The following SGCD variants were observed in gnomAD, a reference collection of about 807,000 sequenced individuals.
The protein encoded by SGCD is sarcoglycan delta.
A neutral mutation model predicts 36.6 loss-of-function variants in SGCD; 18 were observed. The observed-to-expected ratio is 0.49, with a 90% confidence interval of 0.34 to 0.73. The LOEUF (loss-of-function observed/expected upper bound fraction) is 0.73. SGCD is among the 30% of genes least tolerant of loss of function. The pLI, the probability that SGCD is intolerant of heterozygous loss-of-function variation, is 0.01. For synonymous variants in SGCD, 133 were observed against 130.6 expected, an observed-to-expected ratio of 1.02 and a Z score of -0.12; for missense variants, 387 against 346.7, an observed-to-expected ratio of 1.12 and a Z score of -0.92.
intron 3 of SGCD, among the ~76,000 whole-genome samples, chr5:156,480,593 T>C (rs565943093): frequency 6.6e-6 from 1 of 152,342 alleles, no homozygotes; most frequent in Non-Finnish European, 1.5e-5. Flanking sequence ...TCATACTGCA[T>C]GGCTGCTACC....
At chr5:155,874,768 A>T (rs1271018309) in intron 1 of SGCD, among the ~76,000 whole-genome samples, 1 of 152,124 alleles carries the variant, frequency 6.6e-6, no homozygotes, top group Non-Finnish European at 1.5e-5. Flanking sequence ...AATACCAGGT[A>T]TTGGTGAGTA....
intron 3 of SGCD, among the ~76,000 whole-genome samples, chr5:156,193,115 A>C (rs775430295): frequency 6.6e-6 from 1 of 152,110 alleles, no homozygotes; most frequent in Non-Finnish European, 1.5e-5. Flanking sequence ...ATCACTGTCT[A>C]ACACAAGCTA....
chr5:156,391,523 A>G (rs1178306312), intron 3 of SGCD, among the ~76,000 whole-genome samples: 3 of 152,370 alleles, frequency 2.0e-5, no homozygotes, highest in Non-Finnish European at 2.9e-5. Flanking sequence ...ACACATACAG[A>G]CTTTTTACTT....
At chr5:155,906,457 C>T (rs1380741395) in intron 1 of SGCD, among the ~76,000 whole-genome samples, 1 of 152,096 alleles carries the variant, frequency 6.6e-6, no homozygotes, top group Non-Finnish European at 1.5e-5. Flanking sequence ...TCTCTTGAGC[C>T]AAACAGTTAG....
At chr5:156,038,255 C>T (rs1345824010) in intron 1 of SGCD, among the ~76,000 whole-genome samples, 4 of 152,092 alleles carry the variant, frequency 2.6e-5, no homozygotes, top group Admixed American at 2.6e-4. Flanking sequence ...CAAAATACCT[C>T]ACCAGTACTT....
chr5:156,548,226 A>T (rs367723064), intron 4 of SGCD, among the ~76,000 whole-genome samples: 64 of 152,302 alleles, frequency 4.2e-4, no homozygotes, highest in African/African-American at 1.4e-3. Context: ...TGACAATTTC[A>T]CTGGCAAGAT....
chr5:155,892,447 C>T (rs926536339), intron 1 of SGCD, among the ~76,000 whole-genome samples: 3 of 114,578 alleles, frequency 2.6e-5, no homozygotes, highest in Non-Finnish European at 5.0e-5. Context: ...GAGTGAGACT[C>T]CATCTGAAAA....
At chr5:155,978,098 TAAA>T (rs1758157112) in intron 1 of SGCD, among the ~76,000 whole-genome samples, 1 of 68,704 alleles carries the variant, frequency 1.5e-5, no homozygotes, top group Non-Finnish European at 3.4e-5. Flanking sequence ...GTCTCAAAAA[TAAA>T]ATAAAATAAA....
intron 3 of SGCD, among the ~76,000 whole-genome samples, chr5:156,506,796 C>A (rs1291000057): frequency 6.6e-6 from 1 of 152,102 alleles, no homozygotes; most frequent in Non-Finnish European, 1.5e-5. Flanking sequence ...TTTTAAAGAT[C>A]AACAATAAAG....
chr5:156,268,106 C>T (rs936807908), intron 3 of SGCD, among the ~76,000 whole-genome samples: 25 of 152,128 alleles, frequency 1.6e-4, no homozygotes, highest in Non-Finnish European at 3.5e-4. Flanking sequence ...TCTGTTCTTG[C>T]GTTAGTTTGC....
intron 3 of SGCD, among the ~76,000 whole-genome samples, chr5:156,422,656 A>G (rs1349645177): frequency 6.6e-6 from 1 of 152,044 alleles, no homozygotes; most frequent in Non-Finnish European, 1.5e-5. Flanking sequence ...GGGTTTCTCA[A>G]CAACAGCACT....
the SGCD span, among the ~76,000 whole-genome samples, chr5:155,806,712 TC>T: frequency 1.3e-5 from 2 of 152,180 alleles, no homozygotes; most frequent in East Asian, 3.8e-4. Flanking sequence ...TCAGGAGTAA[TC>T]ATTATAATTA....
At chr5:156,708,911 A>G (rs899891158) in intron 7 of SGCD, among the ~76,000 whole-genome samples, 1 of 152,158 alleles carries the variant, frequency 6.6e-6, no homozygotes, top group Non-Finnish European at 1.5e-5. Flanking sequence ...AGTGAATTCT[A>G]GGAAAGTAAA....
In SGCD at chr5:156,260,006, A is replaced by G. The variant is rs144917971; in HGVS notation, c.-43-69528A>G. The stretch of plus-strand genomic sequence containing the variant: ...TACTCTCAGGTATTCTGTTATAGCA[A>G]CACAAAATGAATTAAGACAATTTAG... On this transcript the variant is annotated intron_variant, in intron 3 of 9. Transcript: ENST00000517913. 1.3e-3 allele frequency among the ~76,000 whole-genome samples: 199 copies of G among 152,344 alleles called. 2 individuals carry two copies. Among genetic ancestry groups the G allele is most frequent in the African/African-American group, 4.1e-3 (172 of 41,590 alleles).
chr5:155,751,735 AACAC>A, the SGCD span, among the ~76,000 whole-genome samples: 10 of 151,954 alleles, frequency 6.6e-5, no homozygotes, highest in Admixed American at 1.3e-4. Flanking sequence ...AAAAAAGAAA[AACAC>A]ACACATTATT....
intron 3 of SGCD, among the ~76,000 whole-genome samples, chr5:156,390,056 T>C (rs1297032134): frequency 1.3e-5 from 2 of 152,194 alleles, no homozygotes; most frequent in African/African-American, 4.8e-5. Flanking sequence ...GCAGTGATGC[T>C]GGTATAAACA....
chr5:155,902,582 C>A (rs1756414246), intron 1 of SGCD, among the ~76,000 whole-genome samples: 1 of 152,084 alleles, frequency 6.6e-6, no homozygotes, highest in Non-Finnish European at 1.5e-5. Context: ...AGGTCAGGAA[C>A]CCCAGTGTGG....
rs1181613197 is a variant in SGCD at position 156,353,099 on chromosome 5, C to G, written c.192+8422C>G. ...AGAGAACAGCCAGCATGTTCCATAA[C>G]TCAGGACCCTGACACATCATCTGTT... On this transcript the variant is annotated intron_variant, in intron 3 of 8. Coordinates refer to ENST00000337851, the MANE Select transcript of SGCD (RefSeq NM_000337.6). Among the ~76,000 whole-genome samples the G allele has an allele frequency of 2.0e-5, 3 of 152,226 alleles. No individual in the cohort carries two copies. In the East Asian group the frequency reaches 5.8e-4, roughly 29 times the overall value.
intron 7 of SGCD, among the ~76,000 whole-genome samples, chr5:156,728,172 A>G (rs1308406632): frequency 6.6e-6 from 1 of 152,196 alleles, no homozygotes; most frequent in Non-Finnish European, 1.5e-5. Flanking sequence ...CCATTCTGAA[A>G]CCCATGGTAG....
Sources: allele counts gnomAD v4.1 joint callset (sites outside exome capture counted in the v4.1 genomes callset), GRCh38; gene constraint gnomAD v4.1.1; transcripts MANE v1.5; gene names NCBI Gene and HGNC (gene_info 2026-07-23, HGNC 2026-07-21).